Variants in DGKB observed in about 807,000 individuals in gnomAD.
DGKB encodes the protein diacylglycerol kinase beta, also known as 90 kDa diacylglycerol kinase.
Under a neutral mutation model 114.3 loss-of-function variants are expected in DGKB, and 67 were observed. That is an observed-to-expected ratio of 0.59 (90% CI 0.48 to 0.72). The LOEUF is 0.72. Among genes scored for constraint, DGKB ranks in the 30% least tolerant of loss-of-function variants. The probability of loss-of-function intolerance (pLI) is 0.00; values close to 1 mark genes in which losing one functional copy is unlikely to be tolerated. For synonymous variants in DGKB, 398 were observed against 323.1 expected (o/e 1.23, Z -2.49); for missense variants, 907 against 975.2 (o/e 0.93, Z 0.93).
intron 1 of DGKB, among the ~76,000 whole-genome samples, chr7:14,909,511 A>C (rs937186734): frequency 6.6e-6 from 1 of 152,170 alleles, no homozygotes; most frequent in Admixed American, 6.6e-5. Flanking sequence ...ATTGAAAAAA[A>C]AATGTTTTTC....
Position 14,423,291 on chromosome 7 carries a change from T to C in DGKB, c.1835+54870A>G, listed in dbSNP as rs77333600. Among the ~76,000 whole-genome samples, 677 of 152,178 alleles carry C rather than the reference T, an allele frequency of 4.4e-3. 5 individuals carry two copies. The highest frequency in any genetic ancestry group is 6.7e-3 in the Non-Finnish European group (456 of 67,954). On this transcript the variant is annotated intron_variant, in intron 21 of 25. Transcript: ENST00000402815. The stretch of plus-strand genomic sequence containing the variant: ...ACTTACTACATACCTTGCTATTCAA[T>C]TGCAAAATGTAAGATTTAAAAAATG...
intron 1 of DGKB, among the ~76,000 whole-genome samples, chr7:14,925,381 G>C (rs1000246498): frequency 2.6e-5 from 4 of 152,146 alleles, no homozygotes; most frequent in Non-Finnish European, 4.4e-5. Context: ...TTTTTAGGCA[G>C]ATTGCCTGAT....
At chr7:14,161,281 A>T (rs964257175) in intron 25 of DGKB, among the ~76,000 whole-genome samples, 2 of 152,232 alleles carry the variant, frequency 1.3e-5, no homozygotes, top group African/African-American at 4.8e-5. Context: ...TAGAACCAGA[A>T]ATACCATTTG....
chr7:14,412,780 G>A lies in DGKB; in HGVS notation c.1835+65381C>T, dbSNP rs139257650. The stretch of plus-strand genomic sequence containing the variant: ...GTGGATCACCTGAGGTCAGGAGTTC[G>A]AGACCAGCCTGGCCAACACAGCAAA... On this transcript the variant is annotated intron_variant, in intron 21 of 25. Coordinates refer to ENST00000402815, the MANE Select transcript of DGKB (RefSeq NM_001350709.2). Among the ~76,000 whole-genome samples the A allele has an allele frequency of 4.5e-4, 68 of 152,100 alleles. No homozygotes were observed. In the East Asian group the frequency reaches 0.012, roughly 27 times the overall value.
chr7:14,408,902 A>C (rs566340929), intron 21 of DGKB, among the ~76,000 whole-genome samples: 1 of 152,238 alleles, frequency 6.6e-6, no homozygotes, highest in Admixed American at 6.5e-5. Context: ...AAAAAGTTAG[A>C]TATGTCATGA....
At chr7:14,313,360 A>G (rs1016467826) in intron 23 of DGKB, among the ~76,000 whole-genome samples, 6 of 151,884 alleles carry the variant, frequency 4.0e-5, no homozygotes, top group Non-Finnish European at 8.8e-5. Context: ...CATCTGAGGT[A>G]CCGGGTTCAT....
At chr7:14,510,731 G>C (rs1787862477) in intron 20 of DGKB, among the ~76,000 whole-genome samples, 1 of 152,124 alleles carries the variant, frequency 6.6e-6, no homozygotes, top group African/African-American at 2.4e-5. Context: ...ATCTATGACA[G>C]CTATAGCCTT....
chr7:14,826,635 C>A (rs1845740691), intron 2 of DGKB, among the ~76,000 whole-genome samples: 1 of 152,088 alleles, frequency 6.6e-6, no homozygotes, highest in Non-Finnish European at 1.5e-5. Context: ...CTGATTTGAA[C>A]CATGACCCTG....
At chr7:14,537,438 C>G (rs1350062449) in intron 20 of DGKB, among the ~76,000 whole-genome samples, 1 of 152,100 alleles carries the variant, frequency 6.6e-6, no homozygotes, top group Non-Finnish European at 1.5e-5. Context: ...AAAGACAGAT[C>G]TATAGAGCAA....
intron 17 of DGKB, among the ~76,000 whole-genome samples, chr7:14,583,890 G>C (rs936275501): frequency 6.6e-6 from 1 of 152,110 alleles, no homozygotes; most frequent in African/African-American, 2.4e-5. Flanking sequence ...TAAAAAAATT[G>C]AAACAGGACA....
intron 20 of DGKB, among the ~76,000 whole-genome samples, chr7:14,544,497 T>A (rs77744700): frequency 0.027 from 4,076 of 152,210 alleles, 164 homozygotes; most frequent in East Asian, 0.2. Context: ...CTTAAATTAC[T>A]TATTAAGTTA....
intron 8 of DGKB, among the ~76,000 whole-genome samples, chr7:14,697,743 G>GGAAAGAAAGAAAGAGAGAAAGAAA (rs1824236420): frequency 8.4e-6 from 1 of 119,076 alleles, no homozygotes; most frequent in African/African-American, 3.6e-5. Flanking sequence ...GAAAGAAGGA[G>GGAAAGAAAGAAAGAGAGAAAGAAA]GAAAGAAAGA....
intron 13 of DGKB, among the ~76,000 whole-genome samples, chr7:14,655,558 T>G (rs536595089): frequency 6.6e-6 from 1 of 151,626 alleles, no homozygotes; most frequent in African/African-American, 2.4e-5. Flanking sequence ...GAAAGGAAAC[T>G]TGTGTATCAA....
At position 14,451,667 on chromosome 7, in the gene DGKB, T is replaced by C. The variant is rs17168192; in HGVS notation, c.1835+26494A>G. 3.9e-3 allele frequency among the ~76,000 whole-genome samples: 598 copies of C among 152,152 alleles called. 6 individuals are homozygous for C. In the East Asian group the frequency reaches 0.041, roughly 10 times the overall value. On this transcript the variant is annotated intron_variant, in intron 21 of 25. Coordinates refer to ENST00000402815, the MANE Select transcript of DGKB (RefSeq NM_001350709.2). ...GTGCTATGCCCTTTGTACTTAAACA[T>C]TGTTCTGAGAAAGAGGAAAGTAAAG... is the stretch of plus-strand genomic sequence containing the variant.
intron 21 of DGKB, among the ~76,000 whole-genome samples, chr7:14,347,185 GC>G (rs752267391): frequency 2.0e-5 from 3 of 151,868 alleles, no homozygotes; most frequent in Non-Finnish European, 2.9e-5. Flanking sequence ...GGTTATTATG[GC>G]CCTTATCTGC....
At chr7:14,703,064 A>AATAC (rs1825496076) in intron 6 of DGKB, among the ~76,000 whole-genome samples, 1 of 152,240 alleles carries the variant, frequency 6.6e-6, no homozygotes, top group African/African-American at 2.4e-5. Flanking sequence ...TCAATAAATA[A>AATAC]AATGCAGAAG....
At chr7:14,568,367 CCCTTTCTA>C (rs1377608644) in intron 20 of DGKB, among the ~76,000 whole-genome samples, 1 of 152,154 alleles carries the variant, frequency 6.6e-6, no homozygotes, top group East Asian at 1.9e-4. Flanking sequence ...TGATCAATTT[CCCTTTCTA>C]CCTAGGCAGA....
chr7:14,424,269 A>G (rs1011132367), intron 21 of DGKB, among the ~76,000 whole-genome samples: 2 of 152,014 alleles, frequency 1.3e-5, no homozygotes, highest in Non-Finnish European at 2.9e-5. Flanking sequence ...ATTTGTTTCA[A>G]TCACTCAGCT....
At chr7:14,431,250 C>G (rs1210516549) in intron 21 of DGKB, among the ~76,000 whole-genome samples, 1 of 152,218 alleles carries the variant, frequency 6.6e-6, no homozygotes, top group South Asian at 2.1e-4. Context: ...GAACCATCAG[C>G]CATTCTGCAG....
Sources: allele counts gnomAD v4.1 joint callset (sites outside exome capture counted in the v4.1 genomes callset), GRCh38; gene constraint gnomAD v4.1.1; transcripts MANE v1.5; gene names NCBI Gene and HGNC (gene_info 2026-07-23, HGNC 2026-07-21).